The following PDE3A variants were observed in gnomAD, a reference collection of about 807,000 sequenced individuals.
PDE3A encodes cGMP-inhibited 3',5'-cyclic phosphodiesterase 3A.
PDE3A carries 43 observed loss-of-function variants against 98.3 expected under a neutral mutation model. That is an observed-to-expected ratio of 0.44 (90% CI 0.34 to 0.56). The LOEUF (loss-of-function observed/expected upper bound fraction) is 0.56, where lower values mean the gene tolerates loss of function less well. PDE3A is among the 20% of genes least tolerant of loss of function. The probability of loss-of-function intolerance (pLI) is 0.01; values close to 1 mark genes in which losing one functional copy is unlikely to be tolerated. For missense variants in PDE3A, 1,427 were observed against 1,440.7 expected (o/e 0.99, Z 0.15); for synonymous variants, 663 against 567.9 (o/e 1.17, Z -2.38).
intron 1 of PDE3A, among the ~76,000 whole-genome samples, chr12:20,399,346 C>G (rs962712015): frequency 6.6e-6 from 1 of 152,086 alleles, no homozygotes; most frequent in Non-Finnish European, 1.5e-5. Context: ...TTTTGTATAA[C>G]ATCACCAAGT....
intron 9 of PDE3A, among the ~76,000 whole-genome samples, chr12:20,639,197 C>A (rs1944590099): frequency 6.6e-6 from 1 of 152,010 alleles, no homozygotes; most frequent in Non-Finnish European, 1.5e-5. Flanking sequence ...TGGGAGAAAA[C>A]AATTTGACCA....
At chr12:20,378,306 T>A (rs963009411) in intron 1 of PDE3A, among the ~76,000 whole-genome samples, 1 of 151,698 alleles carries the variant, frequency 6.6e-6, no homozygotes, top group Non-Finnish European at 1.5e-5. Flanking sequence ...TTCCTTATAC[T>A]CTATGAATTC....
intron 13 of PDE3A, among the ~76,000 whole-genome samples, chr12:20,650,231 T>G (rs1001104861): frequency 1.4e-5 from 2 of 142,136 alleles, no homozygotes; most frequent in Non-Finnish European, 3.2e-5. Flanking sequence ...TATTATAATT[T>G]TATCCATAAT....
At position 20,378,786 on chromosome 12, in the gene PDE3A, GATTTAAATT is replaced by G. The variant is rs199981918; in HGVS notation, c.960+8544_960+8552del. Among the ~76,000 whole-genome samples the G allele has an allele frequency of 6.2e-3, 946 of 151,640 alleles. 10 individuals carry two copies. The highest frequency in any genetic ancestry group is 0.021 in the African/African-American group (883 of 41,452). On this transcript the variant is annotated intron_variant, in intron 1 of 15. Transcript: ENST00000359062. ...GTTAGCTCTGGCTAATTTTGAAGTT[GATTTAAATT>G]AATATAGAGGTTGTTCTGGTACTTT...
chr12:20,502,432 A>G (rs1946040724), intron 1 of PDE3A, among the ~76,000 whole-genome samples: 2 of 152,186 alleles, frequency 1.3e-5, no homozygotes, highest in South Asian at 4.1e-4. Flanking sequence ...CTATGACTTA[A>G]TCTGTCATCT....
intron 2 of PDE3A, among the ~76,000 whole-genome samples, chr12:20,559,762 G>A (rs1378127045): frequency 6.6e-6 from 1 of 152,134 alleles, no homozygotes; most frequent in East Asian, 1.9e-4. Context: ...ATACCTCTGA[G>A]AAGTGATGAT....
rs1942222332 is a variant in PDE3A at position 20,552,060 on chromosome 12, A to G, written c.961-4600A>G. On this transcript the variant is annotated intron_variant, in intron 1 of 15. Transcript: ENST00000359062. This position sits in a 1 kb window ranked among gnomAD's most constrained non-coding sequence, Gnocchi z 5.1. The stretch of plus-strand genomic sequence containing the variant: ...ACGTGGACCATGGGAATTTTTTCAC[A>G]TACACGGGTAGTGGTGGTCGAGAGC... The G allele has an allele frequency of 1.9e-6, 3 of 1,612,386 alleles. No individual in the cohort carries two copies. The Admixed American group carries it at 5.0e-5, about 27-fold the overall frequency.
chr12:20,512,830 G>A (rs951442127), intron 1 of PDE3A, among the ~76,000 whole-genome samples: 3 of 151,952 alleles, frequency 2.0e-5, no homozygotes, highest in African/African-American at 4.8e-5. Flanking sequence ...TTGTTCACTG[G>A]GAGAAAAAGA....
chr12:20,462,912 C>G (rs779456183), intron 1 of PDE3A, among the ~76,000 whole-genome samples: 2 of 151,902 alleles, frequency 1.3e-5, no homozygotes, highest in Admixed American at 1.3e-4. Context: ...ACTTCGGCCT[C>G]CTGAGTATAC....
intron 15 of PDE3A, among the ~76,000 whole-genome samples, chr12:20,669,351 C>T (rs924896018): frequency 6.6e-6 from 1 of 151,922 alleles, no homozygotes; most frequent in Admixed American, 6.6e-5. Flanking sequence ...ACAGAGAACA[C>T]CACAAAGATA....
chr12:20,438,868 T>C (rs2120833099), intron 1 of PDE3A, among the ~76,000 whole-genome samples: 1 of 152,064 alleles, frequency 6.6e-6, no homozygotes, highest in Admixed American at 6.6e-5. Flanking sequence ...CAAGCGATTC[T>C]CCTGCCTCCA....
intron 1 of PDE3A, among the ~76,000 whole-genome samples, chr12:20,411,842 T>G (rs1484282343): frequency 6.6e-6 from 1 of 152,170 alleles, no homozygotes; most frequent in Non-Finnish European, 1.5e-5. Flanking sequence ...TTCCGAGACC[T>G]TTACAATATA....
chr12:20,503,429 CTG>C (rs1397535542), intron 1 of PDE3A, among the ~76,000 whole-genome samples: 1 of 151,966 alleles, frequency 6.6e-6, no homozygotes, highest in African/African-American at 2.4e-5. Flanking sequence ...GGTTGAAACT[CTG>C]TGGAAAAAAA....
At position 20,370,159 on chromosome 12, in the gene PDE3A, C is replaced by G; in HGVS notation, c.875C>G (p.Ser292Cys). 1.2e-6 allele frequency: 2 copies of G among 1,613,140 alleles called. No individual in the cohort carries two copies. Among genetic ancestry groups the G allele is most frequent in the Non-Finnish European group, 1.7e-6 (2 of 1,179,800 alleles). The change falls in exon 1 of 16, where the codon TCC becomes TGC. Residue 292 changes from serine to cysteine, a missense_variant. Ser to Cys is a moderately radical substitution (Grantham distance 112). This residue lies in a region of PDE3A where 1,012 missense variants were observed against 886.5 expected (regional missense o/e 1.14). Coordinates refer to ENST00000359062, the MANE Select transcript of PDE3A (RefSeq NM_000921.5). ...DIPVFKRRRR[S>C]SSVVSAEMSG... ...CCGGTGTTTAAGAGGAGGAGGCGGT[C>G]CAGCTCCGTCGTGTCCGCCGAGATG...
chr12:20,607,198 G>A (rs1943730437), intron 2 of PDE3A, among the ~76,000 whole-genome samples: 1 of 151,992 alleles, frequency 6.6e-6, no homozygotes, highest in African/African-American at 2.4e-5. Flanking sequence ...CAACACTTTG[G>A]GAGGCCAAGG....
At chr12:20,568,279 T>A (rs188394140) in intron 2 of PDE3A, among the ~76,000 whole-genome samples, 18 of 152,136 alleles carry the variant, frequency 1.2e-4, no homozygotes, top group Middle Eastern at 3.4e-3. Context: ...AGTTCCTTTA[T>A]AAGTAAGTGC....
At chr12:20,548,255 T>C (rs558786507) in intron 1 of PDE3A, among the ~76,000 whole-genome samples, 2 of 152,188 alleles carry the variant, frequency 1.3e-5, no homozygotes, top group Non-Finnish European at 2.9e-5. Context: ...ACATTCTCTT[T>C]TAAAAAAAAT....
chr12:20,485,972 G>A lies in PDE3A; in HGVS notation c.961-70688G>A, dbSNP rs933698980. On this transcript the variant is annotated intron_variant, in intron 1 of 15. Coordinates refer to ENST00000359062, the MANE Select transcript of PDE3A (RefSeq NM_000921.5). ...TACTTCACTACTATTTGGATGCCAC[G>A]GCTTGAGGTTTTGTTAATATTTTAG... Among the ~76,000 whole-genome samples, 4 of 152,132 alleles carry A rather than the reference G, an allele frequency of 2.6e-5. No homozygotes were observed. In the South Asian group the frequency reaches 6.2e-4, roughly 24 times the overall value.
chr12:20,646,468 T>C (rs750291267), intron 10 of PDE3A, 22 bp from the exon 11 acceptor site: 2 of 1,275,854 alleles, frequency 1.6e-6, no homozygotes, highest in Non-Finnish European at 2.3e-6. Flanking sequence ...AACTGATGAC[T>C]GTTCCTGTTC....
Sources: allele counts gnomAD v4.1 joint callset (sites outside exome capture counted in the v4.1 genomes callset), GRCh38; gene constraint gnomAD v4.1.1; regional missense constraint gnomAD v4.1.1; non-coding constraint Gnocchi (gnomAD v3.1); transcripts MANE v1.5; gene names NCBI Gene and HGNC (gene_info 2026-07-23, HGNC 2026-07-21).